The following SVEP1 variants were observed in gnomAD, a reference collection of about 807,000 sequenced individuals.
SVEP1 encodes sushi, von Willebrand factor type A, EGF and pentraxin domain containing 1.
Under a neutral mutation model 367.3 loss-of-function variants are expected in SVEP1, and 164 were observed. The observed-to-expected ratio is 0.45, with a 90% CI of 0.39 to 0.51. The LOEUF is 0.51. SVEP1 is among the 20% of genes least tolerant of loss of function. The pLI is 0.00. For missense variants in SVEP1, 4,117 were observed against 4,425.3 expected (o/e 0.93, Z 1.98); for synonymous variants, 1,666 against 1,611.6 (o/e 1.03, Z -0.81).
chr9:110,377,698 ATTG>A (rs922149140), intron 44 of SVEP1, among the ~76,000 whole-genome samples: 11 of 152,128 alleles, frequency 7.2e-5, no homozygotes, highest in African/African-American at 2.7e-4. Context: ...TCACATAGTT[ATTG>A]TTTTCTTTCT....
chr9:110,547,492 T>C (rs772950980), intron 2 of SVEP1, among the ~76,000 whole-genome samples: 3 of 152,150 alleles, frequency 2.0e-5, no homozygotes, highest in Admixed American at 6.5e-5. Flanking sequence ...GGAGGATCAC[T>C]TGAGCCTGGG....
intron 4 of SVEP1, 96 bp from the exon 5 acceptor site, chr9:110,513,201 T>C: frequency 8.8e-7 from 1 of 1,136,094 alleles, no homozygotes; most frequent in Non-Finnish European, 1.2e-6. Flanking sequence ...TTTATGCATA[T>C]GTGTCAATTG....
intron 3 of SVEP1, among the ~76,000 whole-genome samples, chr9:110,541,836 TAC>T (rs1830151978): frequency 2.8e-5 from 4 of 142,356 alleles, no homozygotes; most frequent in Admixed American, 1.4e-4. Flanking sequence ...TATATCTATA[TAC>T]ATAGATATCT....
rs781607763 is a variant in SVEP1 at position 110,481,373 on chromosome 9, G to A, written c.2234C>T (p.Thr745Ile). The change falls in exon 12 of 48, where the codon ACT becomes ATT. Residue 745 changes from threonine (T) to isoleucine (I), a missense_variant. Physicochemically the swap from Thr to Ile is moderately conservative, Grantham distance 89. Coordinates refer to ENST00000374469, the MANE Select transcript of SVEP1 (RefSeq NM_153366.4). Reference sequence around the variant, plus strand: ...GCAAGTTAATGTACAGTTGACTCCAGTATTATCTGGAGTGCATATAAAATC... The same window carrying A: ...GCAAGTTAATGTACAGTTGACTCCAATATTATCTGGAGTGCATATAAAATC... The part of the protein sequence containing the change: ...NGDFICTPDN[T>I]GVNCTLTCLE... The A allele has an allele frequency of 1.2e-6, 2 of 1,610,062 alleles. No homozygotes were observed. Among genetic ancestry groups the A allele is most frequent in the South Asian group, 1.1e-5 (1 of 90,180 alleles).
intron 1 of SVEP1, among the ~76,000 whole-genome samples, chr9:110,572,494 A>C (rs1259352574): frequency 6.6e-6 from 1 of 152,224 alleles, no homozygotes; most frequent in Non-Finnish European, 1.5e-5. Context: ...AAACTAATAA[A>C]TAAAATACAT....
Position 110,379,473 on chromosome 9 carries a change from G to A in SVEP1, c.10282C>T (p.Arg3428Ter), listed in dbSNP as rs1827402517. The A allele has an allele frequency of 1.9e-6, 3 of 1,613,492 alleles. No individual in the cohort carries two copies. Among genetic ancestry groups the A allele is most frequent in the African/African-American group, 2.7e-5 (2 of 74,852 alleles). Reference sequence around the variant, plus strand: ...TCTCCATATTGATAATGTACGCCTCGAGCAATTGCATTTTCTACGTGAGCT... The same window carrying A: ...TCTCCATATTGATAATGTACGCCTCAAGCAATTGCATTTTCTACGTGAGCT... ...PPAHVENAIA[R>*]GVHYQYGDMI... The change falls in exon 44 of 48, where the codon CGA becomes TGA. Residue 3428 changes from arginine to a stop codon, truncating the protein, a stop_gained. Coordinates refer to ENST00000374469, the MANE Select transcript of SVEP1 (RefSeq NM_153366.4). LOFTEE classifies it high-confidence loss of function.
At chr9:110,427,494 G>A in intron 36 of SVEP1, 97 bp downstream of exon 36, 1 of 1,426,562 alleles carries the variant, frequency 7.0e-7, no homozygotes, top group South Asian at 1.4e-5. Context: ...TGGCTGCCAG[G>A]AAATTAAATT....
At chr9:110,575,317 T>C (rs1257401862) in intron 1 of SVEP1, among the ~76,000 whole-genome samples, 1 of 152,158 alleles carries the variant, frequency 6.6e-6, no homozygotes, top group African/African-American at 2.4e-5. Flanking sequence ...CCCATTTTAC[T>C]GTTTTGGATC....
At chr9:110,539,263 G>GA (rs1374474381) in intron 3 of SVEP1, among the ~76,000 whole-genome samples, 1 of 152,042 alleles carries the variant, frequency 6.6e-6, no homozygotes, top group Non-Finnish European at 1.5e-5. Context: ...AAGGGAGCCA[G>GA]AAAATGCATG....
chr9:110,430,322 T>C lies in SVEP1; in HGVS notation c.5482A>G (p.Thr1828Ala), dbSNP rs376137953. 20 of 1,613,386 alleles carry C rather than the reference T, an allele frequency of 1.2e-5. No individual in the cohort carries two copies. In the African/African-American group the frequency reaches 2.3e-4, roughly 18 times the overall value. The change falls in exon 33 of 48, where the codon ACA (threonine) becomes GCA (alanine). Residue 1828 changes from threonine to alanine, a missense_variant. Transcript: ENST00000374469. Reference protein sequence around the residue: ...GYQLMGVTKITCLESGEWNHL... With the variant: ...GYQLMGVTKIACLESGEWNHL... ...TTCCATTCTCCAGACTCCAAACATG[T>C]GATTTTGGTTACTCCCATCAACTGG...
chr9:110,555,519 C>T (rs886200177), intron 1 of SVEP1, among the ~76,000 whole-genome samples: 5 of 152,144 alleles, frequency 3.3e-5, no homozygotes, highest in African/African-American at 1.2e-4. Context: ...ATTAATGTAG[C>T]TCCTGTCAAT....
chr9:110,476,937 T>C (rs951644625), intron 13 of SVEP1, among the ~76,000 whole-genome samples: 1 of 152,154 alleles, frequency 6.6e-6, no homozygotes, highest in African/African-American at 2.4e-5. Context: ...CTGTCAACTC[T>C]ACCACTCACT....
intron 36 of SVEP1, 75 bp from the exon 37 acceptor site, chr9:110,411,810 T>C (rs1828049124): frequency 9.0e-6 from 12 of 1,327,362 alleles, no homozygotes; most frequent in Admixed American, 3.1e-5. Flanking sequence ...TCTTCTATTT[T>C]TTAAATCTTT....
At chr9:110,561,022 A>G (rs1830419920) in intron 1 of SVEP1, among the ~76,000 whole-genome samples, 2 of 152,080 alleles carry the variant, frequency 1.3e-5, no homozygotes, top group Non-Finnish European at 2.9e-5. Context: ...ACTTCTTTAC[A>G]TGTCCTTTTA....
At chr9:110,366,587 A>G (rs1214441333) in intron 47 of SVEP1, 27 bp from the exon 48 acceptor site, 7 of 1,524,206 alleles carry the variant, frequency 4.6e-6, no homozygotes, top group Non-Finnish European at 6.1e-6. Context: ...AAGCAACCAA[A>G]TAGATTCAAA....
At chr9:110,384,601 T>C (rs1437190710) in intron 43 of SVEP1, among the ~76,000 whole-genome samples, 1 of 118,066 alleles carries the variant, frequency 8.5e-6, no homozygotes, top group Non-Finnish European at 1.9e-5. Context: ...AATTCACTTA[T>C]TCTTCAAATC....
intron 10 of SVEP1, among the ~76,000 whole-genome samples, chr9:110,482,756 G>C (rs1829212783): frequency 6.6e-6 from 1 of 152,142 alleles, no homozygotes; most frequent in Non-Finnish European, 1.5e-5. Flanking sequence ...TTGAACTCCT[G>C]ACCTCAGGTT....
chr9:110,572,017 T>C (rs1461175483), intron 1 of SVEP1, among the ~76,000 whole-genome samples: 7 of 152,244 alleles, frequency 4.6e-5, no homozygotes, highest in Non-Finnish European at 8.8e-5. Flanking sequence ...TGTTTGGCTT[T>C]ACATCTTGTG....
At chr9:110,525,746 C>T (rs1173999143) in intron 3 of SVEP1, among the ~76,000 whole-genome samples, 1 of 151,580 alleles carries the variant, frequency 6.6e-6, no homozygotes, top group Non-Finnish European at 1.5e-5. Flanking sequence ...AACAGAGCTA[C>T]ACTAATGTGC....
Sources: allele counts gnomAD v4.1 joint callset (sites outside exome capture counted in the v4.1 genomes callset), GRCh38; gene constraint gnomAD v4.1.1; transcripts MANE v1.5; gene names NCBI Gene and HGNC (gene_info 2026-07-23, HGNC 2026-07-21).